The following CCDC134 variants were observed in gnomAD, a reference collection of about 807,000 sequenced individuals.
CCDC134 encodes coiled-coil domain containing 134.
In CCDC134, 27 loss-of-function variants were observed where a neutral mutation model predicts 25.6. The observed-to-expected ratio is 1.05, with a 90% CI of 0.78 to 1.45. CCDC134 has a LOEUF of 1.45. Ranked by LOEUF, CCDC134 falls within the 40% of genes most tolerant of loss-of-function variation. The pLI is 0.00. For synonymous variants in CCDC134, 110 were observed against 115.0 expected (o/e 0.96, Z 0.28); for missense variants, 261 against 286.7 (o/e 0.91, Z 0.65).
intron 6 of CCDC134, among the ~76,000 whole-genome samples, chr22:41,823,493 T>G (rs879943465): frequency 8.3e-6 from 1 of 119,762 alleles, no homozygotes; most frequent in Non-Finnish European, 1.8e-5. Context: ...CCCAAAATGC[T>G]GGGATTATAG....
intron 1 of CCDC134, 133 bp from the exon 2 acceptor site, chr22:41,808,742 G>A (rs2076579917): frequency 1.1e-5 from 8 of 697,656 alleles, no homozygotes; most frequent in Non-Finnish European, 2.0e-5. Flanking sequence ...GCAGCTTCAG[G>A]GCTCCCCAAA....
Position 41,821,242 on chromosome 22 carries a change from G to T in CCDC134, c.565-4456G>T, listed in dbSNP as rs73885831. ...GAGGGGGTCCTGGGAACAAAAGATT[G>T]GATTTCCAGAGAATGAGAGGAAAGG... On this transcript the variant is annotated intron_variant, in intron 6 of 6. Coordinates refer to ENST00000255784, the MANE Select transcript of CCDC134 (RefSeq NM_024821.5). 6.3e-3 allele frequency among the ~76,000 whole-genome samples: 962 copies of T among 152,130 alleles called. 17 individuals are homozygous for T. The highest frequency in any genetic ancestry group is 0.022 in the African/African-American group (918 of 41,502).
chr22:41,825,906 G>A lies in CCDC134; in HGVS notation c.*83G>A. 6.4e-7 allele frequency: 1 copy of A among 1,564,842 alleles called. No individual in the cohort carries two copies. Among genetic ancestry groups the A allele is most frequent in the Non-Finnish European group, 8.7e-7 (1 of 1,149,892 alleles). ...GGTGGAGGTGTGGTTGTGGTGGAGAGCACCAGCTAGCCCCTTCCAGAAGGG... is the reference window on the plus strand; with the variant it reads ...GGTGGAGGTGTGGTTGTGGTGGAGAACACCAGCTAGCCCCTTCCAGAAGGG... On this transcript the variant is annotated 3_prime_UTR_variant, in exon 7 of 7. Coordinates refer to ENST00000255784, the MANE Select transcript of CCDC134 (RefSeq NM_024821.5). The surrounding 1 kb of genome is among the most constrained non-coding windows in gnomAD (Gnocchi z 4.4).
intron 1 of CCDC134, among the ~76,000 whole-genome samples, chr22:41,806,035 ATTCT>A (rs771847861): frequency 7.9e-5 from 12 of 152,230 alleles, no homozygotes; most frequent in East Asian, 3.8e-4. Context: ...AGTTCTGAAA[ATTCT>A]TTATTTAGTC....
At chr22:41,813,210 T>C in intron 4 of CCDC134, 54 bp from the exon 5 acceptor site, 1 of 1,580,652 alleles carries the variant, frequency 6.3e-7, no homozygotes, top group Middle Eastern at 1.7e-4. Context: ...CAGGGGCCAG[T>C]GAGGCAGCCA....
intron 3 of CCDC134, 86 bp from the exon 4 acceptor site, chr22:41,810,121 C>A: frequency 6.3e-7 from 1 of 1,591,272 alleles, no homozygotes; most frequent in Non-Finnish European, 8.6e-7. Flanking sequence ...ACACGTAAGA[C>A]TTGAAGTGGG....
chr22:41,814,574 A>G (rs1440396184), intron 6 of CCDC134, among the ~76,000 whole-genome samples: 2 of 152,066 alleles, frequency 1.3e-5, no homozygotes, highest in Non-Finnish European at 2.9e-5. Flanking sequence ...TATCAAAAAA[A>G]AAAAAGGGGG....
At chr22:41,812,668 A>G (rs6002503) in intron 4 of CCDC134, among the ~76,000 whole-genome samples, 70,710 of 151,892 alleles carry the variant, frequency 0.47, 18,312 homozygotes, top group African/African-American at 0.67. Context: ...ATATTCATTC[A>G]TTCATTCAAA....
intron 1 of CCDC134, among the ~76,000 whole-genome samples, chr22:41,803,388 C>CT (rs374277251): frequency 1.1e-3 from 175 of 152,308 alleles, no homozygotes; most frequent in African/African-American, 4.0e-3. Context: ...TAGGCATTTG[C>CT]TGTCATTGCA....
chr22:41,819,863 G>T (rs569648928), intron 6 of CCDC134, among the ~76,000 whole-genome samples: 222 of 150,166 alleles, frequency 1.5e-3, no homozygotes, highest in Non-Finnish European at 2.1e-3. Context: ...CAGGAGATGG[G>T]GTCAGAGTTG....
At chr22:41,807,875 A>G (rs56925550) in intron 1 of CCDC134, among the ~76,000 whole-genome samples, 1,870 of 152,002 alleles carry the variant, frequency 0.012, 32 homozygotes, top group African/African-American at 0.042. Flanking sequence ...AAAATAAATA[A>G]AAAGGGCCGG....
Position 41,830,379 on chromosome 22 carries a change from T to C in CCDC134, c.*4556T>C, listed in dbSNP as rs762723548. Among the ~76,000 whole-genome samples the C allele has an allele frequency of 6.6e-6, 1 of 152,168 alleles. No individual in the cohort carries two copies. Among genetic ancestry groups the C allele is most frequent in the Admixed American group, 6.5e-5 (1 of 15,276 alleles). ...ATGGGAGCAGGTGCTGTGTGCCACC[T>C]CTGGAGGGGGTCACTGAGGTTCTGG... On this transcript the variant is annotated 3_prime_UTR_variant, in exon 7 of 7. Transcript: ENST00000255784.
chr22:41,816,873 G>A (rs932246591), intron 6 of CCDC134, among the ~76,000 whole-genome samples: 3 of 152,064 alleles, frequency 2.0e-5, no homozygotes, highest in Admixed American at 6.5e-5. Context: ...AGCCAAGATC[G>A]CACCACTGCA....
intron 2 of CCDC134, among the ~76,000 whole-genome samples, chr22:41,809,230 T>C (rs1398970393): frequency 1.3e-5 from 2 of 152,220 alleles, no homozygotes; most frequent in Admixed American, 6.5e-5. Context: ...GGACTGTGCA[T>C]GGCCTGGCAC....
At chr22:41,807,186 A>G (rs535104265) in intron 1 of CCDC134, among the ~76,000 whole-genome samples, 153 of 152,320 alleles carry the variant, frequency 1.0e-3, no homozygotes, top group African/African-American at 3.5e-3. Flanking sequence ...ATCAAGTTAT[A>G]CTAGAGGAAA....
At chr22:41,801,319 G>T (rs1489568543) in intron 1 of CCDC134, among the ~76,000 whole-genome samples, 1 of 151,996 alleles carries the variant, frequency 6.6e-6, no homozygotes, top group East Asian at 1.9e-4. Flanking sequence ...GGGGTAGGGG[G>T]TTCTCCGGAT....
chr22:41,814,769 T>C (rs781324717), intron 6 of CCDC134, among the ~76,000 whole-genome samples: 9 of 152,154 alleles, frequency 5.9e-5, no homozygotes, highest in Non-Finnish European at 8.8e-5. Context: ...TACTGTTTCA[T>C]GGACACTGAT....
intron 5 of CCDC134, 143 bp from the exon 6 acceptor site, chr22:41,813,608 G>GTGC: frequency 8.4e-7 from 1 of 1,189,398 alleles, no homozygotes; most frequent in Non-Finnish European, 1.2e-6. Context: ...AAGGGATTCT[G>GTGC]TGCTGACCCA....
In CCDC134 at chr22:41,825,594, G is replaced by A; in HGVS notation, c.565-104G>A. The A allele has an allele frequency of 2.8e-6, 4 of 1,446,446 alleles. No individual in the cohort carries two copies. The Admixed American group carries it at 6.0e-5, about 22-fold the overall frequency. The allele number at this position is 1,446,446 out of a possible 1,614,324, so 89.6% of individuals were successfully genotyped here. On this transcript the variant is annotated intron_variant, in intron 6 of 6. Transcript: ENST00000255784. The surrounding 1 kb of genome is among the most constrained non-coding windows in gnomAD (Gnocchi z 4.4). ...TGTCTCCGTGTCTGGGGCAGGGCCT[G>A]TGTCCAGGGAACCTTCCTATTCCCA...
Sources: gnomAD v4.1 joint callset for allele counts (sites outside exome capture counted in the v4.1 genomes callset) on GRCh38, gnomAD v4.1.1 for gene constraint, Gnocchi (gnomAD v3.1) non-coding constraint, MANE v1.5 for transcripts, NCBI Gene and HGNC (gene_info 2026-07-23, HGNC 2026-07-21) for gene names.